Variants in CLCN3 observed in about 807,000 individuals in gnomAD.
The protein encoded by CLCN3 is H(+)/Cl(-) exchange transporter 3.
In CLCN3, 16 loss-of-function variants were observed where a neutral mutation model predicts 83.4. That is an observed-to-expected ratio of 0.19 (90% CI 0.13 to 0.29). CLCN3 has a LOEUF of 0.29. CLCN3 is among the 10% of genes least tolerant of loss of function. CLCN3 has a pLI of 1.00. For missense variants in CLCN3, 544 were observed against 1,006.0 expected (o/e 0.54, Z 6.21); for synonymous variants, 322 against 346.2 (o/e 0.93, Z 0.78).
At chr4:169,647,910 T>C (rs1730620831) in intron 2 of CLCN3, among the ~76,000 whole-genome samples, 1 of 152,166 alleles carries the variant, frequency 6.6e-6, no homozygotes, top group South Asian at 2.1e-4. Context: ...CAGAGATAAA[T>C]CATAGATATC....
chr4:169,679,902 G>T (rs1316102514), intron 2 of CLCN3, 148 bp from the exon 3 acceptor site: 2 of 553,202 alleles, frequency 3.6e-6, no homozygotes, highest in Non-Finnish European at 6.6e-6. Flanking sequence ...ACGAGGGAGA[G>T]GGGGAGACCG....
chr4:169,671,720 A>G (rs994415175), intron 2 of CLCN3, among the ~76,000 whole-genome samples: 4 of 152,050 alleles, frequency 2.6e-5, no homozygotes, highest in East Asian at 1.9e-4. Context: ...TTCTTTTCCT[A>G]TGGCAATGGA....
intron 2 of CLCN3, among the ~76,000 whole-genome samples, chr4:169,676,965 A>T (rs908972727): frequency 2.6e-5 from 4 of 152,018 alleles, no homozygotes; most frequent in Non-Finnish European, 4.4e-5. Context: ...TTTAAAATTC[A>T]TATTTTTTAG....
At chr4:169,643,429 C>G (rs879724042) in intron 2 of CLCN3, among the ~76,000 whole-genome samples, 1 of 152,054 alleles carries the variant, frequency 6.6e-6, no homozygotes, top group Admixed American at 6.6e-5. Flanking sequence ...GGGGTTTCAC[C>G]ATGTTAGTCA....
At position 169,620,862 on chromosome 4, in the gene CLCN3, A is replaced by G. The variant is rs2150192659; in HGVS notation, c.-218A>G. 5.0e-6 allele frequency: 2 copies of G among 398,574 alleles called. No individual in the cohort carries two copies. Among genetic ancestry groups the G allele is most frequent in the Non-Finnish European group, 8.8e-6 (2 of 226,056 alleles). The allele number at this position is 398,574 out of a possible 1,614,324, so 24.7% of individuals were successfully genotyped here. On this transcript the variant is annotated 5_prime_UTR_variant, in exon 1 of 13. Transcript: ENST00000513761. ...TTGCTCCCGTGTTTGAAGGAGGACAATAAAAGTCCCACCGGGCAAAATTTT... is the reference window on the plus strand; with the variant it reads ...TTGCTCCCGTGTTTGAAGGAGGACAGTAAAAGTCCCACCGGGCAAAATTTT...
intron 9 of CLCN3, among the ~76,000 whole-genome samples, chr4:169,699,592 A>G (rs555782788): frequency 6.6e-6 from 1 of 152,286 alleles, no homozygotes; most frequent in South Asian, 2.1e-4. Context: ...GTTAAATAAT[A>G]GAAAAGCCTG....
Position 169,697,339 on chromosome 4 carries a change from C to T in CLCN3, c.1168C>T (p.Leu390=), listed in dbSNP as rs778454047. The T allele has an allele frequency of 1.2e-5, 19 of 1,613,844 alleles. No homozygotes were observed. The highest frequency in any genetic ancestry group is 1.6e-5 in the Non-Finnish European group (19 of 1,179,990). The change falls in exon 9 of 13, where the codon CTG becomes TTG. Residue 390 remains leucine (L), a synonymous_variant. Coordinates refer to ENST00000513761, the MANE Select transcript of CLCN3 (RefSeq NM_001829.4). ...TCATACACCATGGTACCTTTTTGAA[C>T]TGTTTCCTTTTATTCTTCTAGGGGT... ...EYHTPWYLFE[L]FPFILLGVFG...
chr4:169,693,952 C>T lies in CLCN3; in HGVS notation c.936+1632C>T, dbSNP rs1318081524. On this transcript the variant is annotated intron_variant, in intron 7 of 12. Coordinates refer to ENST00000513761, the MANE Select transcript of CLCN3 (RefSeq NM_001829.4). ...GTTTTGTGTAGACAAGAGGGGAGAG[C>T]GTTGATATTTTTAAATTAAATGCTT... 5.9e-5 allele frequency among the ~76,000 whole-genome samples: 9 copies of T among 151,960 alleles called. No individual in the cohort carries two copies. The East Asian group carries it at 1.7e-3, about 29-fold the overall frequency.
chr4:169,630,815 C>T (rs1388683194), intron 1 of CLCN3, among the ~76,000 whole-genome samples: 1 of 152,210 alleles, frequency 6.6e-6, no homozygotes, highest in African/African-American at 2.4e-5. Flanking sequence ...AGGCGTGAGC[C>T]ACCGCACCCA....
chr4:169,700,695 G>C (rs753932470), intron 9 of CLCN3, among the ~76,000 whole-genome samples: 10 of 152,038 alleles, frequency 6.6e-5, no homozygotes, highest in Non-Finnish European at 1.0e-4. Flanking sequence ...AGAGATATAG[G>C]TTCAGTTCAG....
At chr4:169,663,130 T>C (rs1019044277) in intron 2 of CLCN3, 16 of 131,874 alleles carry the variant, frequency 1.2e-4, no homozygotes, top group African/African-American at 4.7e-4. Flanking sequence ...CATATATGTG[T>C]GTGTGTGTGT....
chr4:169,714,062 T>C (rs184400713), intron 12 of CLCN3, among the ~76,000 whole-genome samples: 9 of 152,322 alleles, frequency 5.9e-5, no homozygotes, highest in Admixed American at 5.2e-4. Context: ...TCACCACTGC[T>C]CTCTTTTCCT....
intron 2 of CLCN3, among the ~76,000 whole-genome samples, chr4:169,668,043 A>ATTTGTTTTTTT (rs1560845763): frequency 1.2e-5 from 1 of 82,344 alleles, no homozygotes; most frequent in African/African-American, 4.8e-5. Context: ...CCGGCCAGAC[A>ATTTGTTTTTTT]TTTTTTTTTT....
Position 169,697,077 on chromosome 4 carries a change from TCTAA to T in CLCN3, c.1018-108_1018-105del, listed in dbSNP as rs1442696298. ...ACAGTAAAATCCATTACATGTAAAT[TCTAA>T]CTACAGCAAAATTTAGAGCTAGGAT... On this transcript the variant is annotated intron_variant, in intron 8 of 12. Transcript: ENST00000513761. 1.8e-5 allele frequency: 14 copies of T among 759,784 alleles called. No individual in the cohort carries two copies. The African/African-American group carries it at 2.5e-4, about 14-fold the overall frequency. 47.1% of individuals were successfully genotyped at this position (759,784 alleles called of 1,614,324 possible). A position where few individuals can be genotyped will look rare whatever the true frequency, so the allele number is the denominator to read the frequency against.
chr4:169,718,520 C>A (rs1733511588), intron 12 of CLCN3, among the ~76,000 whole-genome samples: 1 of 152,146 alleles, frequency 6.6e-6, no homozygotes, highest in Non-Finnish European at 1.5e-5. Context: ...GTGTGTGCCC[C>A]TTTTGTATGA....
Position 169,706,721 on chromosome 4 carries a change from A to G in CLCN3, c.1751-147A>G. Reference sequence around the variant, plus strand: ...TAAAAGTAGTGATTATTGTCCTAAAAGAGGAGTAGCAGTTTTAGATGCTAA... The same window carrying G: ...TAAAAGTAGTGATTATTGTCCTAAAGGAGGAGTAGCAGTTTTAGATGCTAA... On this transcript the variant is annotated intron_variant, in intron 10 of 12. Transcript: ENST00000513761. The G allele has an allele frequency of 4.9e-6, 3 of 608,528 alleles. No individual in the cohort carries two copies. In the South Asian group the frequency reaches 7.1e-5, roughly 14 times the overall value. 37.7% of individuals were successfully genotyped at this position (608,528 alleles called of 1,614,324 possible).
In CLCN3 at chr4:169,722,613, A is replaced by C. The variant is rs1007298048; in HGVS notation, c.*2616A>C. 6.6e-6 allele frequency: 1 copy of C among 152,144 alleles called. No individual in the cohort carries two copies. The highest frequency in any genetic ancestry group is 2.1e-4 in the South Asian group (1 of 4,822). The allele number at this position is 152,144 out of a possible 1,614,324, so 9.4% of individuals were successfully genotyped here. The stretch of plus-strand genomic sequence containing the variant: ...AACTTCACATGGAGTTTATTTTATC[A>C]TATTTCCCTTTTTTATTTCTGCTCC... On this transcript the variant is annotated 3_prime_UTR_variant, in exon 13 of 13. Coordinates refer to ENST00000513761, the MANE Select transcript of CLCN3 (RefSeq NM_001829.4).
At chr4:169,672,955 G>T (rs752258721) in intron 2 of CLCN3, among the ~76,000 whole-genome samples, 1 of 152,114 alleles carries the variant, frequency 6.6e-6, no homozygotes, top group African/African-American at 2.4e-5. Flanking sequence ...GAGCCACCGC[G>T]CCCGGCTGTA....
chr4:169,621,754 T>C (rs1773118315), intron 1 of CLCN3, among the ~76,000 whole-genome samples: 1 of 152,256 alleles, frequency 6.6e-6, no homozygotes, highest in Admixed American at 6.5e-5. Context: ...AATTGTTGAA[T>C]CTTTCCAGAA....
Sources: allele counts gnomAD v4.1 joint callset (sites outside exome capture counted in the v4.1 genomes callset), GRCh38; gene constraint gnomAD v4.1.1; transcripts MANE v1.5; gene names NCBI Gene and HGNC (gene_info 2026-07-23, HGNC 2026-07-21).